The following YAE1 variants were observed in gnomAD, a reference collection of about 807,000 sequenced individuals.
YAE1 encodes YAE1 maturation factor of ABCE1.
Under a neutral mutation model 23.0 loss-of-function variants are expected in YAE1, and 22 were observed. The ratio of observed to expected loss-of-function variants is 0.96; its 90% confidence interval spans 0.68 to 1.37. The LOEUF is 1.37. YAE1 is among the 40% of genes most tolerant of loss of function. The probability of loss-of-function intolerance (pLI) is 0.00; values close to 1 mark genes in which losing one functional copy is unlikely to be tolerated. For synonymous variants in YAE1, 101 were observed against 97.0 expected, an observed-to-expected ratio of 1.04 and a Z score of -0.24; for missense variants, 260 against 262.1, an observed-to-expected ratio of 0.99 and a Z score of 0.06.
chr7:39,577,366 G>A (rs577645771), downstream of YAE1, among the ~76,000 whole-genome samples: 28 of 152,334 alleles, frequency 1.8e-4, no homozygotes, highest in African/African-American at 6.7e-4. Context: ...CCTTCAGCCC[G>A]CTGCTGCGCT....
intron 2 of YAE1, among the ~76,000 whole-genome samples, chr7:39,594,613 T>C (rs975393521): frequency 6.6e-6 from 1 of 152,052 alleles, no homozygotes; most frequent in Non-Finnish European, 1.5e-5. Flanking sequence ...CCTCATTTTT[T>C]TTTTTTGAGA....
At chr7:39,591,781 T>A (rs571506145) in intron 2 of YAE1, among the ~76,000 whole-genome samples, 13 of 152,364 alleles carry the variant, frequency 8.5e-5, no homozygotes, top group African/African-American at 2.9e-4. Flanking sequence ...ACCATTATAG[T>A]ATCACACAGA....
chr7:39,575,625 T>C (rs1265306745), downstream of YAE1, among the ~76,000 whole-genome samples: 2 of 151,764 alleles, frequency 1.3e-5, no homozygotes, highest in East Asian at 3.9e-4. Flanking sequence ...TCAGGCTTCT[T>C]GTTCTACAGA....
intron 2 of YAE1, among the ~76,000 whole-genome samples, chr7:39,582,468 G>A (rs780317238): frequency 4.0e-4 from 61 of 152,208 alleles, no homozygotes; most frequent in Non-Finnish European, 5.9e-4. Context: ...CCAATTAAAA[G>A]TATTTTCATT....
rs1196350955 is a variant in YAE1 at position 39,594,407 on chromosome 7, A to T, written c.252-15210A>T. ...GCCTTGCTGGAGCCCACCCTCAGGTAAAGAGTCATAAGAAATGGAAAAACT... is the reference window on the plus strand; with the variant it reads ...GCCTTGCTGGAGCCCACCCTCAGGTTAAGAGTCATAAGAAATGGAAAAACT... On this transcript the variant is annotated intron_variant, in intron 2 of 2. Transcript: ENST00000432096. Among the ~76,000 whole-genome samples the T allele has an allele frequency of 2.0e-5, 3 of 152,316 alleles. No homozygotes were observed. The East Asian group carries it at 5.8e-4, about 29-fold the overall frequency.
At chr7:39,579,002 A>C (rs1356336644) in intron 2 of YAE1, among the ~76,000 whole-genome samples, 1 of 152,244 alleles carries the variant, frequency 6.6e-6, no homozygotes, top group Admixed American at 6.5e-5. Context: ...AACTAGGTGA[A>C]AACAAACCAA....
intron 1 of YAE1, among the ~76,000 whole-genome samples, chr7:39,569,180 AC>A (rs1410794413): frequency 6.6e-6 from 1 of 152,206 alleles, no homozygotes; most frequent in Non-Finnish European, 1.5e-5. Context: ...AACTAGTTAA[AC>A]CACCATACTG....
chr7:39,575,654 A>G (rs996155626), downstream of YAE1, among the ~76,000 whole-genome samples: 2 of 152,022 alleles, frequency 1.3e-5, no homozygotes, highest in South Asian at 2.1e-4. Flanking sequence ...AATCTCTGTC[A>G]TGAAGATACT....
intron 2 of YAE1, among the ~76,000 whole-genome samples, chr7:39,587,928 A>C (rs561602704): frequency 1.3e-5 from 2 of 152,274 alleles, no homozygotes; most frequent in African/African-American, 4.8e-5. Context: ...ATATATCCTT[A>C]CTACTTTTTA....
intron 2 of YAE1, among the ~76,000 whole-genome samples, chr7:39,581,962 CTG>C (rs1042855759): frequency 2.6e-5 from 4 of 151,980 alleles, no homozygotes; most frequent in African/African-American, 9.7e-5. Flanking sequence ...GAGTCTCACT[CTG>C]TCACTAAGGT....
chr7:39,577,782 C>T (rs1006347840), downstream of YAE1, among the ~76,000 whole-genome samples: 2 of 152,214 alleles, frequency 1.3e-5, no homozygotes, highest in African/African-American at 2.4e-5. Context: ...CTGAGGAGTG[C>T]GGGTGCACGG....
At chr7:39,610,249 G>A in exon 3 of YAE1, 1 of 553,036 alleles carries the variant, frequency 1.8e-6, no homozygotes. Flanking sequence ...ATGCGACCAT[G>A]TGGGACAAGC....
chr7:39,572,160 G>C, intron 2 of YAE1, 117 bp from the exon 3 acceptor site: 1 of 1,094,432 alleles, frequency 9.1e-7, no homozygotes. Context: ...TGAAAGAGGG[G>C]TTATGAATTA....
intron 2 of YAE1, among the ~76,000 whole-genome samples, chr7:39,599,796 C>A (rs1018634490): frequency 2.0e-5 from 3 of 151,576 alleles, no homozygotes; most frequent in African/African-American, 7.3e-5. Flanking sequence ...TGCATGTTGG[C>A]CAGGCTGGTC....
At chr7:39,601,603 T>C (rs1369328997) in intron 2 of YAE1, among the ~76,000 whole-genome samples, 1 of 151,852 alleles carries the variant, frequency 6.6e-6, no homozygotes, top group Non-Finnish European at 1.5e-5. Context: ...CTACTAAAAA[T>C]ACAAAAATTA....
chr7:39,578,625 C>G (rs888882228), intron 2 of YAE1, among the ~76,000 whole-genome samples: 2 of 152,176 alleles, frequency 1.3e-5, no homozygotes, highest in Admixed American at 1.3e-4. Context: ...CCGCGAAGGT[C>G]TGTAGCTTCA....
At chr7:39,610,397 A>C (rs907110062), downstream of YAE1, 5 of 457,980 alleles carry the variant, frequency 1.1e-5, no homozygotes, top group Admixed American at 2.4e-5. Context: ...AGAACATTCC[A>C]ACGTTTCTGC....
chr7:39,590,845 G>A (rs907009563), intron 2 of YAE1, among the ~76,000 whole-genome samples: 1 of 152,058 alleles, frequency 6.6e-6, no homozygotes, highest in East Asian at 1.9e-4. Context: ...ATCTTACCTT[G>A]GCTGCCCTTC....
In YAE1 at chr7:39,572,812, C is replaced by A. The variant is rs1355389221; in HGVS notation, c.*106C>A. 2 of 1,432,166 alleles carry A rather than the reference C, an allele frequency of 1.4e-6. No homozygotes were observed. The highest frequency in any genetic ancestry group is 6.0e-5 in the Admixed American group (2 of 33,124). The allele number at this position is 1,432,166 out of a possible 1,614,324, so 88.7% of individuals were successfully genotyped here. On this transcript the variant is annotated 3_prime_UTR_variant, in exon 3 of 3. Transcript: ENST00000223273. ...TCAAACACCTCAACTGTAGGGTTACCCTTTATGGAAGTTTGAAATTAACAC... is the reference window on the plus strand; with the variant it reads ...TCAAACACCTCAACTGTAGGGTTACACTTTATGGAAGTTTGAAATTAACAC...
Sources: allele counts gnomAD v4.1 joint callset (sites outside exome capture counted in the v4.1 genomes callset), GRCh38; gene constraint gnomAD v4.1.1; transcripts MANE v1.5; gene names NCBI Gene and HGNC (gene_info 2026-07-23, HGNC 2026-07-21).